NUP85: variants seen among roughly 807,000 people sequenced by gnomAD.
NUP85 encodes the protein nucleoporin 85.
NUP85 carries 23 observed loss-of-function variants against 92.8 expected under a neutral mutation model. The ratio of observed to expected loss-of-function variants is 0.25; its 90% CI spans 0.18 to 0.35. The LOEUF (loss-of-function observed/expected upper bound fraction) is 0.35, where lower values mean the gene tolerates loss of function less well. Among genes scored for constraint, NUP85 ranks in the 10% least tolerant of loss-of-function variants. The pLI, the probability that NUP85 is intolerant of heterozygous loss-of-function variation, is 1.00. For synonymous variants in NUP85, 314 were observed against 306.9 expected, an observed-to-expected ratio of 1.02 and a Z score of -0.24; for missense variants, 759 against 822.8, an observed-to-expected ratio of 0.92 and a Z score of 0.95.
Position 75,223,032 on chromosome 17 carries a change from C to CAAA in NUP85, c.598-2051_598-2049dup, listed in dbSNP as rs1190240035. Among the ~76,000 whole-genome samples the CAAA allele has an allele frequency of 2.0e-3, 96 of 47,896 alleles. 1 individual carries two copies. The highest frequency in any genetic ancestry group is 2.2e-3 in the African/African-American group (45 of 20,116). The allele number at this position is 47,896 out of a possible 152,430, so 31.4% of individuals were successfully genotyped here. ...CCTGGGCGACAGCAAGACTCTGTCT[C>CAAA]AAAAAAAAAAAAAAAAAAAAAACTC... On this transcript the variant is annotated intron_variant, in intron 7 of 18. Transcript: ENST00000245544.
At chr17:75,223,872 C>G (rs890967081) in intron 7 of NUP85, among the ~76,000 whole-genome samples, 5 of 152,106 alleles carry the variant, frequency 3.3e-5, no homozygotes, top group Non-Finnish European at 5.9e-5. Context: ...ATTTTCTCAA[C>G]AAAGTATGTC....
In NUP85 at chr17:75,225,441, C is replaced by T; in HGVS notation, c.832C>T (p.Pro278Ser). The change falls in exon 9 of 19, where the codon CCT becomes TCT. Residue 278 changes from proline (P) to serine (S), a missense_variant. By Grantham distance (74) the Pro-to-Ser change is moderately conservative (BLOSUM62 -1). Transcript: ENST00000245544. ...CCAGGACAGCACATTCGCCACCAGC[C>T]CTCACCTGGAGTCTCTCTTGAAGGT... The part of the protein sequence containing the change: ...YLQDSTFATS[P>S]HLESLLKIML... 3 of 1,613,944 alleles carry T rather than the reference C, an allele frequency of 1.9e-6. No homozygotes were observed. Among genetic ancestry groups the T allele is most frequent in the Non-Finnish European group, 2.5e-6 (3 of 1,180,026 alleles).
chr17:75,209,784 A>T lies in NUP85; in HGVS notation c.128-39A>T, dbSNP rs1195248472. 6 of 1,539,208 alleles carry T rather than the reference A, an allele frequency of 3.9e-6. No individual in the cohort carries two copies. In the African/African-American group the frequency reaches 7.1e-5, roughly 18 times the overall value. On this transcript the variant is annotated intron_variant, in intron 2 of 18. Transcript: ENST00000245544. The stretch of plus-strand genomic sequence containing the variant: ...AGTAGATTCACTTTTGGAGATGATC[A>T]TAATAGATGTTAAATTTTTTTTTTC...
At position 75,225,747 on chromosome 17, in the gene NUP85, G is replaced by T. The variant is rs764920979; in HGVS notation, c.905G>T (p.Ser302Ile). 1.2e-6 allele frequency: 2 copies of T among 1,612,458 alleles called. No individual in the cohort carries two copies. Among genetic ancestry groups the T allele is most frequent in the East Asian group, 4.5e-5 (2 of 44,784 alleles). The change falls in exon 10 of 19, where the codon AGT becomes ATT. Residue 302 changes from serine to isoleucine, a missense_variant. By Grantham distance (142) the Ser-to-Ile change is moderately radical (BLOSUM62 -2). Transcript: ENST00000245544. ...TTGTTAGAGCAGAAGGAACTTCTGA[G>T]TAATTGGTATCATTTCCTAGTGACT... ...AALLEQKELLSNWYHFLVTRL... is the reference protein window; with the variant it reads ...AALLEQKELLINWYHFLVTRL...
chr17:75,212,469 GTTTTTTTTT>G (rs57106942), intron 4 of NUP85, among the ~76,000 whole-genome samples: 4 of 77,444 alleles, frequency 5.2e-5, no homozygotes, highest in Non-Finnish European at 6.9e-5. Context: ...TGTGCCTGGA[GTTTTTTTTT>G]TTTTTTTTTT....
chr17:75,235,004 G>A, intron 17 of NUP85, 96 bp from the exon 18 acceptor site: 7 of 1,089,916 alleles, frequency 6.4e-6, no homozygotes, highest in African/African-American at 1.5e-5. Flanking sequence ...CTATTGCGAA[G>A]GGTATGAAAG....
chr17:75,225,656 CCT>C, intron 9 of NUP85, 40 bp from the exon 10 acceptor site: 1 of 1,610,884 alleles, frequency 6.2e-7, no homozygotes, highest in Non-Finnish European at 8.5e-7. Context: ...AGAAGGTACC[CCT>C]GAGAGGAGGA....
intron 17 of NUP85, 65 bp from the exon 18 acceptor site, chr17:75,235,035 C>A: frequency 7.6e-7 from 1 of 1,322,128 alleles, no homozygotes; most frequent in Non-Finnish European, 1.1e-6. Context: ...CGAACATGGG[C>A]CCCTGCCCCA....
At chr17:75,219,673 C>G (rs2075540646) in intron 7 of NUP85, among the ~76,000 whole-genome samples, 1 of 152,124 alleles carries the variant, frequency 6.6e-6, no homozygotes, top group East Asian at 1.9e-4. Context: ...AGTTTATATC[C>G]TGTGTGTGGA....
At chr17:75,220,364 T>C (rs2075562220) in intron 7 of NUP85, among the ~76,000 whole-genome samples, 1 of 151,740 alleles carries the variant, frequency 6.6e-6, no homozygotes, top group Non-Finnish European at 1.5e-5. Flanking sequence ...ACCTTGTGAT[T>C]CACCCACCTT....
chr17:75,226,238 C>G (rs149983116), intron 11 of NUP85, 81 bp downstream of exon 11: 2 of 1,031,026 alleles, frequency 1.9e-6, no homozygotes, highest in Non-Finnish European at 3.0e-6. Flanking sequence ...GTGGCCTGTT[C>G]CTTCCTTACC....
In NUP85 at chr17:75,231,452, T is replaced by A; in HGVS notation, c.1178+29T>A. The A allele has an allele frequency of 6.2e-7, 1 of 1,612,868 alleles. No homozygotes were observed. The highest frequency in any genetic ancestry group is 8.5e-7 in the Non-Finnish European group (1 of 1,178,848). On this transcript the variant is annotated intron_variant, in intron 12 of 18. Coordinates refer to ENST00000245544, the MANE Select transcript of NUP85 (RefSeq NM_024844.5). The surrounding 1 kb of genome is among the most constrained non-coding windows in gnomAD (Gnocchi z 4.6). ...AGTGGCCGGGAGGCACCGATCCTCC[T>A]CTTCTTACCACCAGGCCCCCGAGGG...
chr17:75,206,958 C>T lies in NUP85; in HGVS notation c.33+1164C>T, dbSNP rs986530838. Among the ~76,000 whole-genome samples the T allele has an allele frequency of 2.3e-4, 35 of 152,246 alleles. 1 individual carries two copies. Among genetic ancestry groups the T allele is most frequent in the Admixed American group, 2.0e-3 (30 of 15,254 alleles). The stretch of plus-strand genomic sequence containing the variant: ...TCCTGACCTCGTGATCCGCCCACCT[C>T]GGCCTCCCAAAGTGCTGGGATTACA... On this transcript the variant is annotated intron_variant, in intron 1 of 18. Transcript: ENST00000245544.
At chr17:75,207,023 C>G (rs1041720206) in intron 1 of NUP85, among the ~76,000 whole-genome samples, 1 of 151,754 alleles carries the variant, frequency 6.6e-6, no homozygotes, top group African/African-American at 2.4e-5. Flanking sequence ...TGGTCTTTTA[C>G]TTGTGAAGAT....
At chr17:75,235,293 T>C in intron 18 of NUP85, 92 bp downstream of exon 18, 3 of 864,080 alleles carry the variant, frequency 3.5e-6, no homozygotes, top group Non-Finnish European at 5.5e-6. Context: ...AAACACTGGC[T>C]CCTATGGACA....
chr17:75,225,376 T>C lies in NUP85; in HGVS notation c.767T>C (p.Leu256Pro), dbSNP rs753809016. ...ACCCAGACACTGACAGAGCTGGAGCTGAAGTGGCAGCACTGGCACGAGGAA... is the reference window on the plus strand; with the variant it reads ...ACCCAGACACTGACAGAGCTGGAGCCGAAGTGGCAGCACTGGCACGAGGAA... ...GNTQTLTELELKWQHWHEECE... is the reference protein window; with the variant it reads ...GNTQTLTELEPKWQHWHEECE... The change falls in exon 9 of 19, where the codon CTG becomes CCG. Residue 256 changes from leucine (L) to proline (P), a missense_variant. Coordinates refer to ENST00000245544, the MANE Select transcript of NUP85 (RefSeq NM_024844.5). The C allele has an allele frequency of 1.4e-5, 22 of 1,614,062 alleles. No homozygotes were observed. The highest frequency in any genetic ancestry group is 1.7e-5 in the Non-Finnish European group (20 of 1,180,018).
chr17:75,205,755 C>T lies in NUP85; in HGVS notation c.-7C>T, dbSNP rs781650839. The T allele has an allele frequency of 6.2e-7, 1 of 1,614,138 alleles. No homozygotes were observed. The highest frequency in any genetic ancestry group is 8.5e-7 in the Non-Finnish European group (1 of 1,180,012). ...GAGCGACTTCTAGGAGCCTGGGGTT[C>T]GGCGCTATGGAGGAGCTCGATGGCG... On this transcript the variant is annotated 5_prime_UTR_variant, in exon 1 of 19. Transcript: ENST00000245544.
chr17:75,233,348 T>C (rs1287453095), intron 16 of NUP85, among the ~76,000 whole-genome samples, 190 bp downstream of exon 16: 1 of 148,852 alleles, frequency 6.7e-6, no homozygotes, highest in Non-Finnish European at 1.5e-5. Context: ...CCTCCATGTT[T>C]GTTTGTTTGT....
chr17:75,212,095 T>TGA, intron 4 of NUP85, 33 bp downstream of exon 4: 1 of 1,375,610 alleles, frequency 7.3e-7, no homozygotes, highest in Non-Finnish European at 9.9e-7. Flanking sequence ...CGCGTGTGTG[T>TGA]GTGTGTGTGT....
Sources: gnomAD v4.1 joint callset for allele counts (sites outside exome capture counted in the v4.1 genomes callset) on GRCh38, gnomAD v4.1.1 for gene constraint, Gnocchi (gnomAD v3.1) non-coding constraint, MANE v1.5 for transcripts, NCBI Gene and HGNC (gene_info 2026-07-23, HGNC 2026-07-21) for gene names.